The following SORCS1 variants were observed in gnomAD, a reference collection of about 807,000 sequenced individuals.
SORCS1 encodes VPS10 domain-containing receptor SorCS1.
SORCS1 carries 60 observed loss-of-function variants against 146.1 expected under a neutral mutation model. The observed-to-expected ratio is 0.41, with a 90% CI of 0.33 to 0.51. SORCS1 has a LOEUF of 0.51. SORCS1 is among the 20% of genes least tolerant of loss of function. The pLI, the probability that SORCS1 is intolerant of heterozygous loss-of-function variation, is 0.21. For synonymous variants in SORCS1, 637 were observed against 584.0 expected (o/e 1.09, Z -1.31); for missense variants, 1,352 against 1,487.6 (o/e 0.91, Z 1.50).
At chr10:106,761,478 A>G (rs923182915) in intron 5 of SORCS1, 110 bp downstream of exon 5, 5 of 901,056 alleles carry the variant, frequency 5.5e-6, no homozygotes, top group African/African-American at 1.7e-5. Flanking sequence ...TCCCAATAAG[A>G]ACAGACCTTA....
At chr10:106,977,600 T>TTA (rs1956083390) in intron 1 of SORCS1, among the ~76,000 whole-genome samples, 1 of 151,886 alleles carries the variant, frequency 6.6e-6, no homozygotes, top group Non-Finnish European at 1.5e-5. Context: ...TTTTTTTTTT[T>TTA]TTTTTTAATT....
intron 2 of SORCS1, among the ~76,000 whole-genome samples, chr10:106,950,075 A>G (rs1954593619): frequency 1.3e-5 from 2 of 152,210 alleles, no homozygotes; most frequent in South Asian, 4.1e-4. Flanking sequence ...CAATTCTCAA[A>G]GCTTAATCCA....
intron 19 of SORCS1, among the ~76,000 whole-genome samples, chr10:106,624,885 T>C (rs997071333): frequency 1.3e-5 from 2 of 152,240 alleles, no homozygotes; most frequent in African/African-American, 4.8e-5. Context: ...TCTTTGACCA[T>C]CTCTGTTAAT....
chr10:106,915,366 A>G (rs1589695632), intron 2 of SORCS1, among the ~76,000 whole-genome samples: 1 of 152,266 alleles, frequency 6.6e-6, no homozygotes, highest in African/African-American at 2.4e-5. Context: ...ATAAAACCTT[A>G]GCTTATGCAT....
intron 18 of SORCS1, among the ~76,000 whole-genome samples, chr10:106,647,001 GTA>G (rs1238878785): frequency 3.6e-5 from 2 of 54,864 alleles, no homozygotes; most frequent in African/African-American, 7.7e-5. Context: ...ATGTGTGTTT[GTA>G]TGTGTATATA....
At chr10:107,049,029 A>G (rs1959816188) in intron 1 of SORCS1, among the ~76,000 whole-genome samples, 1 of 151,856 alleles carries the variant, frequency 6.6e-6, no homozygotes, top group African/African-American at 2.4e-5. Flanking sequence ...ATGTCCAACA[A>G]TGATAGACTG....
At chr10:106,746,252 A>T (rs982765738) in intron 5 of SORCS1, among the ~76,000 whole-genome samples, 14 of 152,258 alleles carry the variant, frequency 9.2e-5, no homozygotes, top group African/African-American at 3.4e-4. Context: ...ATTGGTAAAC[A>T]TTGCACCATG....
chr10:107,019,520 G>T (rs909575685), intron 1 of SORCS1, among the ~76,000 whole-genome samples: 10 of 152,196 alleles, frequency 6.6e-5, no homozygotes, highest in Non-Finnish European at 1.5e-4. Flanking sequence ...GTTCCAGACT[G>T]AACTTTTAGT....
intron 1 of SORCS1, among the ~76,000 whole-genome samples, chr10:107,138,865 G>A (rs552501362): frequency 6.6e-6 from 1 of 152,288 alleles, no homozygotes; most frequent in African/African-American, 2.4e-5. Flanking sequence ...ACCCCCACGA[G>A]CAGGCTGGAA....
chr10:106,803,172 C>T (rs1394771771), intron 3 of SORCS1, among the ~76,000 whole-genome samples: 2 of 152,100 alleles, frequency 1.3e-5, no homozygotes, highest in African/African-American at 4.8e-5. Flanking sequence ...CCAAAATCAG[C>T]CAGCTTGCAA....
intron 1 of SORCS1, among the ~76,000 whole-genome samples, chr10:107,079,953 G>A (rs954129626): frequency 2.6e-5 from 4 of 152,150 alleles, no homozygotes; most frequent in South Asian, 2.1e-4. Context: ...TAAAAAACAA[G>A]AGAGATTTAG....
chr10:107,019,488 G>T (rs550671054), intron 1 of SORCS1, among the ~76,000 whole-genome samples: 22 of 152,162 alleles, frequency 1.4e-4, no homozygotes, highest in Non-Finnish European at 2.2e-4. Context: ...GTCTAAATTA[G>T]AAAGCTCAAT....
At chr10:106,771,777 T>A (rs1860038719) in intron 4 of SORCS1, among the ~76,000 whole-genome samples, 2 of 152,162 alleles carry the variant, frequency 1.3e-5, no homozygotes, top group African/African-American at 4.8e-5. Flanking sequence ...TTCTGAAGAT[T>A]TCAGGGCTTT....
At chr10:106,817,245 A>G (rs1947791318) in intron 3 of SORCS1, among the ~76,000 whole-genome samples, 1 of 152,192 alleles carries the variant, frequency 6.6e-6, no homozygotes, top group Admixed American at 6.5e-5. Context: ...ATTTGAGTCA[A>G]GTTGGATGGG....
intron 3 of SORCS1, among the ~76,000 whole-genome samples, chr10:106,794,342 A>C (rs1357670958): frequency 2.0e-5 from 3 of 152,098 alleles, no homozygotes; most frequent in Non-Finnish European, 4.4e-5. Context: ...TAAGGGGAAA[A>C]AAGCATACAT....
At chr10:106,913,664 T>A (rs546910436) in intron 2 of SORCS1, among the ~76,000 whole-genome samples, 1 of 152,250 alleles carries the variant, frequency 6.6e-6, no homozygotes, top group Non-Finnish European at 1.5e-5. Context: ...GCTGAGCTTT[T>A]CAGTAGAACT....
chr10:107,065,904 T>C (rs1480964314), intron 1 of SORCS1, among the ~76,000 whole-genome samples: 1 of 152,170 alleles, frequency 6.6e-6, no homozygotes, highest in Non-Finnish European at 1.5e-5. Flanking sequence ...TTTTAAAAAG[T>C]TGAGGCTCAA....
At chr10:107,057,057 C>T (rs1397977362) in intron 1 of SORCS1, among the ~76,000 whole-genome samples, 1 of 152,192 alleles carries the variant, frequency 6.6e-6, no homozygotes, top group Non-Finnish European at 1.5e-5. Flanking sequence ...CTGACCTTTC[C>T]CTGTCCTGAA....
At chr10:106,692,576 T>G (rs1401596333) in intron 9 of SORCS1, among the ~76,000 whole-genome samples, 1 of 152,224 alleles carries the variant, frequency 6.6e-6, no homozygotes, top group Non-Finnish European at 1.5e-5. Context: ...TAGAAACCAC[T>G]GGATTTTACA....
Sources: gnomAD v4.1 joint callset for allele counts (sites outside exome capture counted in the v4.1 genomes callset) on GRCh38, gnomAD v4.1.1 for gene constraint, MANE v1.5 for transcripts, NCBI Gene and HGNC (gene_info 2026-07-23, HGNC 2026-07-21) for gene names.